MECOM: variants seen among roughly 807,000 people sequenced by gnomAD.
MECOM encodes the protein MDS1 and EVI1 complex locus.
A neutral mutation model predicts 116.3 loss-of-function variants in MECOM; 13 were observed. That is an observed-to-expected ratio of 0.11 (90% confidence interval 0.07 to 0.18). The LOEUF is 0.18. Among genes scored for constraint, MECOM ranks in the 10% least tolerant of loss-of-function variants. The pLI is 1.00. For missense variants in MECOM, 1,299 were observed against 1,509.0 expected, an observed-to-expected ratio of 0.86 and a Z score of 2.31; for synonymous variants, 528 against 535.2, an observed-to-expected ratio of 0.99 and a Z score of 0.19.
In MECOM at chr3:169,498,485, T is replaced by C. The variant is rs890795820; in HGVS notation, c.38-116961A>G. ...TATGCCCAAAGATGAACAGTAGGTT[T>C]TGGGTTTCAGTGTTTATACAGAAAA... On this transcript the variant is annotated intron_variant, in intron 1 of 16. Transcript: ENST00000651503. Among the ~76,000 whole-genome samples the C allele has an allele frequency of 3.3e-5, 5 of 152,220 alleles. 1 individual carries two copies. The highest frequency in any genetic ancestry group is 1.2e-4 in the African/African-American group (5 of 41,438).
intron 2 of MECOM, among the ~76,000 whole-genome samples, chr3:169,310,219 T>C (rs1246436545): frequency 6.6e-6 from 1 of 152,216 alleles, no homozygotes; most frequent in East Asian, 1.9e-4. Context: ...ACATTTCACA[T>C]ATTCGTACAC....
intron 2 of MECOM, among the ~76,000 whole-genome samples, chr3:169,339,052 A>T (rs1324900771): frequency 2.0e-5 from 3 of 152,240 alleles, no homozygotes; most frequent in Admixed American, 1.3e-4. Context: ...ACCAAAATCA[A>T]TATTGAATAA....
intron 2 of MECOM, among the ~76,000 whole-genome samples, chr3:169,352,015 T>C (rs1470794650): frequency 2.6e-5 from 4 of 151,904 alleles, no homozygotes; most frequent in Non-Finnish European, 5.9e-5. Context: ...GACCTCTTAT[T>C]TAGGAAGGAT....
At chr3:169,265,411 A>C (rs1758145121) in intron 2 of MECOM, among the ~76,000 whole-genome samples, 1 of 152,268 alleles carries the variant, frequency 6.6e-6, no homozygotes, top group African/African-American at 2.4e-5. Context: ...TATAGCAAGA[A>C]AGTGCAACAA....
chr3:169,371,036 C>T (rs141621200), intron 2 of MECOM, among the ~76,000 whole-genome samples: 2 of 152,082 alleles, frequency 1.3e-5, no homozygotes, highest in Admixed American at 6.6e-5. Context: ...TAAATAAAAT[C>T]GCCATCTCAA....
chr3:169,404,212 A>G (rs1560229691), intron 1 of MECOM, among the ~76,000 whole-genome samples: 1 of 152,194 alleles, frequency 6.6e-6, no homozygotes, highest in Non-Finnish European at 1.5e-5. Flanking sequence ...TAAAAAAAAT[A>G]GTTTGAAAAA....
At chr3:169,461,044 T>C (rs1433633549) in intron 1 of MECOM, among the ~76,000 whole-genome samples, 3 of 152,140 alleles carry the variant, frequency 2.0e-5, no homozygotes. Context: ...CACCAGCTCC[T>C]AGAGAAAACC....
chr3:169,506,341 C>T (rs1026662298), intron 1 of MECOM, among the ~76,000 whole-genome samples: 2 of 152,224 alleles, frequency 1.3e-5, no homozygotes, highest in African/African-American at 4.8e-5. Flanking sequence ...GTCCCCGCCA[C>T]ATCCCCGCTG....
chr3:169,156,374 T>C (rs903087795), intron 2 of MECOM, among the ~76,000 whole-genome samples: 1 of 152,214 alleles, frequency 6.6e-6, no homozygotes, highest in Non-Finnish European at 1.5e-5. Context: ...AATAAAGTTT[T>C]ATATTACTTT....
chr3:169,517,467 G>A (rs571546509), intron 1 of MECOM, among the ~76,000 whole-genome samples: 2 of 152,232 alleles, frequency 1.3e-5, no homozygotes, highest in South Asian at 2.1e-4. Context: ...AGACTATAAG[G>A]GGAAAAAAGA....
At chr3:169,304,309 C>A (rs1717288840) in intron 2 of MECOM, among the ~76,000 whole-genome samples, 1 of 152,192 alleles carries the variant, frequency 6.6e-6, no homozygotes, top group South Asian at 2.1e-4. Flanking sequence ...TTAGTGTTGA[C>A]TTACTTTGTA....
intron 2 of MECOM, among the ~76,000 whole-genome samples, chr3:169,213,729 A>T (rs1437409421): frequency 2.0e-5 from 3 of 152,164 alleles, no homozygotes; most frequent in Non-Finnish European, 4.4e-5. Context: ...TGACTTTATG[A>T]ATATTTTACC....
intron 1 of MECOM, among the ~76,000 whole-genome samples, chr3:169,662,494 C>T (rs1411484491): frequency 2.0e-5 from 3 of 152,012 alleles, no homozygotes; most frequent in Admixed American, 6.5e-5. Context: ...TCTCTCCCCA[C>T]GTCCGAGCGC....
rs552705634 is a variant in MECOM at position 169,335,260 on chromosome 3, CTAGTAAGAAGTT to C, written c.375+45915_375+45926del. On this transcript the variant is annotated intron_variant, in intron 2 of 16. Transcript: ENST00000651503. ...AAAAACAGCCTTCAAATAAATTGCACTAGTAAGAAGTTTGGAACTATTTGCTGAGAGCTCAGC... is the reference window on the plus strand; with the variant it reads ...AAAAACAGCCTTCAAATAAATTGCACTGGAACTATTTGCTGAGAGCTCAGC... Among the ~76,000 whole-genome samples the C allele has an allele frequency of 5.3e-5, 8 of 152,204 alleles. No homozygotes were observed. The East Asian group carries it at 1.5e-3, about 29-fold the overall frequency.
intron 1 of MECOM, among the ~76,000 whole-genome samples, chr3:169,507,217 C>G (rs1039265566): frequency 6.6e-6 from 1 of 152,202 alleles, no homozygotes; most frequent in African/African-American, 2.4e-5. Flanking sequence ...GTCCTCTTGC[C>G]AGCCACTAAA....
At chr3:169,384,243 CT>C (rs902930981) in intron 1 of MECOM, among the ~76,000 whole-genome samples, 13 of 151,868 alleles carry the variant, frequency 8.6e-5, no homozygotes, top group African/African-American at 2.9e-4. Flanking sequence ...CAAATCAATA[CT>C]TTTTTTTACC....
At chr3:169,204,097 C>G (rs1749582192) in intron 2 of MECOM, among the ~76,000 whole-genome samples, 1 of 152,150 alleles carries the variant, frequency 6.6e-6, no homozygotes, top group Non-Finnish European at 1.5e-5. Flanking sequence ...GCCCAAGGAA[C>G]CGCTACTGGG....
At position 169,116,380 on chromosome 3, in the gene MECOM, C is replaced by T. The variant is rs774213367; in HGVS notation, c.1492G>A (p.Gly498Ser). 11 of 1,614,116 alleles carry T rather than the reference C, an allele frequency of 6.8e-6. 1 individual carries two copies. Among genetic ancestry groups the T allele is most frequent in the South Asian group, 4.4e-5 (4 of 91,084 alleles). The change falls in exon 8 of 17, where the codon GGC becomes AGC. Residue 498 changes from glycine to serine, a missense_variant. Coordinates refer to ENST00000651503, the MANE Select transcript of MECOM (RefSeq NM_004991.4). ...SFSFPGLFPSGLYHRPPLIPA... is the reference protein window; with the variant it reads ...SFSFPGLFPSSLYHRPPLIPA... ...ATCAAAGGAGGCCTGTGGTACAAGC[C>T]GGAAGGAAACAGACCAGGGAAGCTA...
At chr3:169,491,516 A>G (rs1753089587) in intron 1 of MECOM, among the ~76,000 whole-genome samples, 1 of 152,226 alleles carries the variant, frequency 6.6e-6, no homozygotes, top group African/African-American at 2.4e-5. Context: ...ATAATCTCAC[A>G]ATAATCAAAC....
Sources: allele counts gnomAD v4.1 joint callset (sites outside exome capture counted in the v4.1 genomes callset), GRCh38; gene constraint gnomAD v4.1.1; transcripts MANE v1.5; gene names NCBI Gene and HGNC (gene_info 2026-07-23, HGNC 2026-07-21).